BPI: variants seen among roughly 807,000 people sequenced by gnomAD.
BPI encodes the protein bactericidal permeability increasing protein.
BPI carries 48 observed loss-of-function variants against 57.6 expected under a neutral mutation model. That is an observed-to-expected ratio of 0.83 (90% CI 0.66 to 1.06). BPI has a LOEUF of 1.06. BPI is among the 50% of genes least tolerant of loss of function. The pLI, the probability that BPI is intolerant of heterozygous loss-of-function variation, is 0.00. For synonymous variants in BPI, 237 were observed against 238.2 expected (o/e 0.99, Z 0.05); for missense variants, 651 against 609.7 (o/e 1.07, Z -0.71).
intron 5 of BPI, chr20:38,317,727 G>A (rs1254616369): frequency 1.8e-6 from 2 of 1,086,840 alleles, no homozygotes; most frequent in South Asian, 2.7e-5. Flanking sequence ...AGAGCAAATG[G>A]AATGGAAAAT....
In BPI at chr20:38,311,841, G is replaced by C. The variant is rs374554412; in HGVS notation, c.537-33G>C. The C allele has an allele frequency of 3.7e-6, 6 of 1,606,346 alleles. No homozygotes were observed. The African/African-American group carries it at 6.7e-5, about 18-fold the overall frequency. ...AATCCAGCCCAGGGACAATCAAAAA[G>C]CCTCATCTATGTCCCTACTTGTTCA... is the stretch of plus-strand genomic sequence containing the variant. On this transcript the variant is annotated intron_variant, in intron 4 of 14. Coordinates refer to ENST00000642449, the MANE Select transcript of BPI (RefSeq NM_001725.3).
chr20:38,318,363 A>G (rs772564423), intron 5 of BPI, 50 bp from the exon 6 acceptor site: 5 of 1,561,170 alleles, frequency 3.2e-6, no homozygotes, highest in Admixed American at 3.3e-5. Flanking sequence ...GTCAAGGGAC[A>G]TTTTTCACTA....
intron 12 of BPI, among the ~76,000 whole-genome samples, chr20:38,333,009 C>T (rs1270827557): frequency 6.6e-6 from 1 of 152,080 alleles, no homozygotes; most frequent in African/African-American, 2.4e-5. Flanking sequence ...TCCTTAGATT[C>T]CCGAGATGCC....
At chr20:38,307,785 T>C (rs2076603996) in intron 2 of BPI, 104 bp downstream of exon 2, 4 of 966,112 alleles carry the variant, frequency 4.1e-6, no homozygotes, top group Non-Finnish European at 6.2e-6. Flanking sequence ...TCACAGAGTT[T>C]CATATCCCAA....
At chr20:38,321,455 C>T (rs1237691881) in intron 7 of BPI, among the ~76,000 whole-genome samples, 2 of 152,060 alleles carry the variant, frequency 1.3e-5, no homozygotes, top group East Asian at 1.9e-4. Context: ...TACTCCTTTC[C>T]TTCCCAATGC....
intron 5 of BPI, among the ~76,000 whole-genome samples, chr20:38,314,477 A>G (rs1362402706): frequency 0.019 from 812 of 41,936 alleles, no homozygotes; most frequent in Middle Eastern, 0.075. Context: ...GGATGATGAT[A>G]ATGATGGTGA....
chr20:38,305,567 A>G (rs544148625), intron 1 of BPI, among the ~76,000 whole-genome samples: 90 of 150,722 alleles, frequency 6.0e-4, no homozygotes, highest in African/African-American at 1.9e-3. Flanking sequence ...GCCACTGCAC[A>G]TTTTTTTTTC....
chr20:38,311,980 G>A (rs1444232765), intron 5 of BPI, 43 bp downstream of exon 5: 4 of 1,590,988 alleles, frequency 2.5e-6, no homozygotes, highest in Non-Finnish European at 2.6e-6. Context: ...GAGGAGAAGG[G>A]CCCTTAGTAA....
intron 5 of BPI, among the ~76,000 whole-genome samples, chr20:38,316,020 G>A (rs2076650361): frequency 6.6e-6 from 1 of 151,858 alleles, no homozygotes; most frequent in East Asian, 1.9e-4. Flanking sequence ...TTTTGATAGA[G>A]ACAGGAATTC....
rs1283924099 is a variant in BPI, at chr20:38,311,866, A to C, written c.537-8A>C. On this transcript the variant is annotated splice_polypyrimidine_tract_variant and splice_region_variant and intron_variant, in intron 4 of 14. Transcript: ENST00000642449. ...GCCTCATCTATGTCCCTACTTGTTCATCTCTAGGTGGCTGATCCAACTCTT... is the reference window on the plus strand; with the variant it reads ...GCCTCATCTATGTCCCTACTTGTTCCTCTCTAGGTGGCTGATCCAACTCTT... The C allele has an allele frequency of 1.2e-6, 2 of 1,613,760 alleles. No homozygotes were observed. Among genetic ancestry groups the C allele is most frequent in the Non-Finnish European group, 1.7e-6 (2 of 1,179,796 alleles).
In BPI at chr20:38,323,290, A is replaced by G. The variant is rs74657570; in HGVS notation, c.757-580A>G. ...AGCTCAACATTTATTTGCTAAATAA[A>G]TGATCTGCTTTTGCAACATATTGCC... On this transcript the variant is annotated intron_variant, in intron 7 of 14. Coordinates refer to ENST00000642449, the MANE Select transcript of BPI (RefSeq NM_001725.3). 3.9e-3 allele frequency among the ~76,000 whole-genome samples: 599 copies of G among 152,316 alleles called. 5 individuals carry two copies. Among genetic ancestry groups the G allele is most frequent in the African/African-American group, 0.014 (575 of 41,566 alleles).
intron 9 of BPI, among the ~76,000 whole-genome samples, chr20:38,325,534 T>C (rs1294199662): frequency 6.6e-6 from 1 of 152,204 alleles, no homozygotes; most frequent in Non-Finnish European, 1.5e-5. Flanking sequence ...ATAAGGACAC[T>C]AATTCTATCA....
chr20:38,319,078 T>C (rs1344922752), intron 6 of BPI, among the ~76,000 whole-genome samples: 1 of 151,954 alleles, frequency 6.6e-6, no homozygotes. Flanking sequence ...CTACTAAAAA[T>C]ACAAAAATTT....
Position 38,330,621 on chromosome 20 carries a change from G to T in BPI, c.1230-427G>T, listed in dbSNP as rs115535817. 5.5e-3 allele frequency among the ~76,000 whole-genome samples: 840 copies of T among 152,286 alleles called. 10 individuals are homozygous for T. The highest frequency in any genetic ancestry group is 0.02 in the African/African-American group (811 of 41,540). On this transcript the variant is annotated intron_variant, in intron 11 of 14. Transcript: ENST00000642449. ...CTTGGCTTTGCTATCCTCTGTGCTG[G>T]CTTCATTGCCCAGCAGGCTGTCACC...
intron 8 of BPI, 70 bp from the exon 9 acceptor site, chr20:38,324,701 GATA>G: frequency 7.8e-7 from 1 of 1,285,324 alleles, no homozygotes; most frequent in Non-Finnish European, 1.1e-6. Context: ...CTCTCACCCC[GATA>G]CAGAACTCAC....
At chr20:38,326,801 T>C (rs1024373046) in intron 10 of BPI, among the ~76,000 whole-genome samples, 1 of 152,232 alleles carries the variant, frequency 6.6e-6, no homozygotes, top group African/African-American at 2.4e-5. Context: ...ATTCATTCAG[T>C]TATTTATTAG....
rs749629986 is a variant in BPI at position 38,311,918 on chromosome 20, G to A, written c.581G>A (p.Arg194Gln). ...LFHKKIESAL[R>Q]NKMNSQVCEK... is the part of the protein sequence containing the mutation. ...CACAAAAAAATTGAGTCTGCGCTTC[G>A]AAACAAGATGAACAGCCAGGTAGGA... is the stretch of plus-strand genomic sequence containing the variant. The change falls in exon 5 of 15, where the codon CGA becomes CAA. Residue 194 changes from arginine to glutamine, a missense_variant. Arg to Gln is a conservative substitution (Grantham distance 43). Transcript: ENST00000642449. The A allele has an allele frequency of 2.0e-5, 33 of 1,613,908 alleles. No homozygotes were observed. Among genetic ancestry groups the A allele is most frequent in the Non-Finnish European group, 2.3e-5 (27 of 1,179,976 alleles).
chr20:38,314,679 A>G (rs1365882991), intron 5 of BPI, among the ~76,000 whole-genome samples: 13 of 103,182 alleles, frequency 1.3e-4, no homozygotes, highest in Non-Finnish European at 1.4e-4. Context: ...GGTGATGGTG[A>G]TGGTGGGGAT....
rs193190904 is a variant in BPI at position 38,335,365 on chromosome 20, T to G, written c.1337-233T>G. 33 of 576,912 alleles carry G rather than the reference T, an allele frequency of 5.7e-5. No homozygotes were observed. The Admixed American group carries it at 9.4e-4, about 16-fold the overall frequency. 35.7% of individuals were successfully genotyped at this position (576,912 alleles called of 1,614,324 possible). A position where few individuals can be genotyped will look rare whatever the true frequency, so the allele number is the denominator to read the frequency against. On this transcript the variant is annotated intron_variant, in intron 13 of 14. Coordinates refer to ENST00000642449, the MANE Select transcript of BPI (RefSeq NM_001725.3). ...TGCTGCACCCTCAGGAGGGCCATCA[T>G]GGGGATGGAGTCCACGCAGGTGCTA...
Sources: gnomAD v4.1 joint callset for allele counts (sites outside exome capture counted in the v4.1 genomes callset) on GRCh38, gnomAD v4.1.1 for gene constraint, MANE v1.5 for transcripts, NCBI Gene and HGNC (gene_info 2026-07-23, HGNC 2026-07-21) for gene names.